ANKRD11: variants seen among roughly 807,000 people sequenced by gnomAD.
ANKRD11 encodes ankyrin repeat domain-containing protein 11.
A neutral mutation model predicts 195.7 loss-of-function variants in ANKRD11; 17 were observed. The ratio of observed to expected loss-of-function variants is 0.09; its 90% CI spans 0.06 to 0.13. The LOEUF is 0.13. ANKRD11 is among the 10% of genes least tolerant of loss of function. The pLI is 1.00. For missense variants in ANKRD11, 3,735 were observed against 3,566.1 expected, an observed-to-expected ratio of 1.05 and a Z score of -1.21; for synonymous variants, 1,953 against 1,528.1, an observed-to-expected ratio of 1.28 and a Z score of -6.49.
intron 2 of ANKRD11, among the ~76,000 whole-genome samples, chr16:89,345,956 A>G (rs543140030): frequency 5.3e-5 from 8 of 152,276 alleles, no homozygotes; most frequent in African/African-American, 1.9e-4. Flanking sequence ...AAGAATCAAC[A>G]GAACAGGCCA....
At chr16:89,342,299 T>C (rs1487981232) in intron 2 of ANKRD11, among the ~76,000 whole-genome samples, 1 of 152,258 alleles carries the variant, frequency 6.6e-6, no homozygotes, top group African/African-American at 2.4e-5. Flanking sequence ...CAGCCCAGGC[T>C]CAGACCTCAG....
At chr16:89,392,911 G>A (rs1424616917) in intron 2 of ANKRD11, among the ~76,000 whole-genome samples, 1 of 151,712 alleles carries the variant, frequency 6.6e-6, no homozygotes, top group East Asian at 1.9e-4. Context: ...TCACCACCTT[G>A]GGACCTGCCT....
At chr16:89,364,083 C>G (rs931268256) in intron 2 of ANKRD11, among the ~76,000 whole-genome samples, 1 of 151,714 alleles carries the variant, frequency 6.6e-6, no homozygotes, top group African/African-American at 2.4e-5. Context: ...CACACACACA[C>G]ACTCAATGGA....
intron 1 of ANKRD11, among the ~76,000 whole-genome samples, chr16:89,432,718 G>A (rs994957015): frequency 6.6e-6 from 1 of 151,842 alleles, no homozygotes; most frequent in Non-Finnish European, 1.5e-5. Context: ...ATTCTATCAC[G>A]GTATAATCTT....
intron 2 of ANKRD11, among the ~76,000 whole-genome samples, chr16:89,397,010 T>C (rs2041466806): frequency 6.6e-6 from 1 of 151,776 alleles, no homozygotes; most frequent in Admixed American, 6.6e-5. Flanking sequence ...TTTTTTATAC[T>C]GGAAAATACA....
chr16:89,354,366 A>G (rs906727780), intron 2 of ANKRD11, among the ~76,000 whole-genome samples: 21 of 152,230 alleles, frequency 1.4e-4, no homozygotes, highest in Non-Finnish European at 2.2e-4. Flanking sequence ...TTTTACTAAC[A>G]TTAGACAAAT....
At chr16:89,276,438 G>A (rs2151710470) in intron 9 of ANKRD11, among the ~76,000 whole-genome samples, 1 of 152,308 alleles carries the variant, frequency 6.6e-6, no homozygotes, top group East Asian at 1.9e-4. Flanking sequence ...TCAACTCATG[G>A]TGGACGGGCC....
chr16:89,353,877 G>T (rs1347347932), intron 2 of ANKRD11, among the ~76,000 whole-genome samples: 18 of 152,214 alleles, frequency 1.2e-4, no homozygotes, highest in Admixed American at 1.2e-3. Flanking sequence ...ACAAGACAGA[G>T]CAGCCTCTGC....
chr16:89,350,820 A>C lies in ANKRD11; in HGVS notation c.-59-33742T>G, dbSNP rs534180659. 6.6e-5 allele frequency among the ~76,000 whole-genome samples: 10 copies of C among 152,306 alleles called. No homozygotes were observed. The South Asian group carries it at 8.3e-4, about 13-fold the overall frequency. On this transcript the variant is annotated intron_variant, in intron 2 of 12. Transcript: ENST00000301030. ...TGAGTGTGGTCAACAGGCCACATTCATGATGGTGGTATGTGCTACCATAAG... is the reference window on the plus strand; with the variant it reads ...TGAGTGTGGTCAACAGGCCACATTCCTGATGGTGGTATGTGCTACCATAAG...
chr16:89,358,885 G>T (rs2039606975), intron 2 of ANKRD11, among the ~76,000 whole-genome samples: 2 of 152,052 alleles, frequency 1.3e-5, no homozygotes, highest in Admixed American at 1.3e-4. Context: ...GAGCGCAGTG[G>T]TGCGATCATG....
At chr16:89,358,449 G>A (rs1163085106) in intron 2 of ANKRD11, among the ~76,000 whole-genome samples, 2 of 152,186 alleles carry the variant, frequency 1.3e-5, no homozygotes, top group Non-Finnish European at 2.9e-5. Flanking sequence ...TTCCAGGTTG[G>A]GTTGGTAACT....
chr16:89,442,454 A>C (rs9302767), intron 1 of ANKRD11, among the ~76,000 whole-genome samples: 39,179 of 150,782 alleles, frequency 0.26, 5,217 homozygotes, highest in African/African-American at 0.32. Flanking sequence ...GATCCTGAGT[A>C]AAAGACAATC....
chr16:89,483,132 C>T (rs2057497674), intron 1 of ANKRD11, among the ~76,000 whole-genome samples: 1 of 152,182 alleles, frequency 6.6e-6, no homozygotes, highest in Non-Finnish European at 1.5e-5. Flanking sequence ...CCACACCCTC[C>T]ATTTGCCTTC....
At chr16:89,308,401 C>T (rs1597571131) in intron 3 of ANKRD11, among the ~76,000 whole-genome samples, 1 of 152,326 alleles carries the variant, frequency 6.6e-6, no homozygotes, top group South Asian at 2.1e-4. Context: ...GGAGCCTGGA[C>T]AGAAGGAACA....
intron 2 of ANKRD11, among the ~76,000 whole-genome samples, chr16:89,365,346 A>G (rs1009935068): frequency 1.3e-5 from 2 of 152,162 alleles, no homozygotes; most frequent in Admixed American, 6.5e-5. Flanking sequence ...TCTCACCTTA[A>G]AGAGCATGAG....
At chr16:89,317,760 TTTTA>T (rs1285106426) in intron 2 of ANKRD11, among the ~76,000 whole-genome samples, 2 of 152,202 alleles carry the variant, frequency 1.3e-5, no homozygotes, top group Non-Finnish European at 2.9e-5. Flanking sequence ...TGTATATTAT[TTTTA>T]TTTATTAATC....
chr16:89,460,145 G>A (rs892795743), intron 1 of ANKRD11, among the ~76,000 whole-genome samples: 6 of 151,968 alleles, frequency 3.9e-5, no homozygotes, highest in Non-Finnish European at 7.4e-5. Context: ...GGCTGAGGCA[G>A]GAGAATCATT....
chr16:89,301,611 C>G (rs1436570865), intron 4 of ANKRD11: 14 of 398,648 alleles, frequency 3.5e-5, no homozygotes, highest in Non-Finnish European at 4.0e-5. Flanking sequence ...GAGGCCTGGT[C>G]CTAGGACGGG....
intron 2 of ANKRD11, among the ~76,000 whole-genome samples, chr16:89,399,599 TACGTTCATCCA>T: frequency 6.6e-6 from 1 of 152,202 alleles, no homozygotes; most frequent in South Asian, 2.1e-4. Context: ...CACATCAGGA[TACGTTCATCCA>T]ACCATAGACT....
Sources: gnomAD v4.1 joint callset for allele counts (sites outside exome capture counted in the v4.1 genomes callset) on GRCh38, gnomAD v4.1.1 for gene constraint, MANE v1.5 for transcripts, NCBI Gene and HGNC (gene_info 2026-07-23, HGNC 2026-07-21) for gene names.